CFAP299: variants seen among roughly 807,000 people sequenced by gnomAD.
CFAP299 encodes the protein cilia and flagella associated protein 299.
CFAP299 carries 21 observed loss-of-function variants against 27.0 expected under a neutral mutation model. The observed-to-expected ratio is 0.78, with a 90% CI of 0.55 to 1.12. The LOEUF (loss-of-function observed/expected upper bound fraction) is 1.12, where lower values mean the gene tolerates loss of function less well. Among genes scored for constraint, CFAP299 ranks in the 50% most tolerant of loss-of-function variants. The pLI, the probability that CFAP299 is intolerant of heterozygous loss-of-function variation, is 0.00. For missense variants in CFAP299, 310 were observed against 276.6 expected, an observed-to-expected ratio of 1.12 and a Z score of -0.86; for synonymous variants, 104 against 98.1, an observed-to-expected ratio of 1.06 and a Z score of -0.36.
intron 3 of CFAP299, among the ~76,000 whole-genome samples, chr4:80,654,131 G>A (rs1451720333): frequency 6.6e-6 from 1 of 152,094 alleles, no homozygotes; most frequent in African/African-American, 2.4e-5. Flanking sequence ...GGAATGATGG[G>A]CAGTTTCTTA....
intron 4 of CFAP299, among the ~76,000 whole-genome samples, chr4:80,900,439 T>A (rs1409433973): frequency 6.6e-6 from 1 of 152,148 alleles, no homozygotes; most frequent in Non-Finnish European, 1.5e-5. Flanking sequence ...ATATCAGACA[T>A]GCCAGCATGT....
intron 2 of CFAP299, chr4:80,386,360 G>C: frequency 6.9e-7 from 1 of 1,455,562 alleles, no homozygotes. Flanking sequence ...TCAGCTCTGC[G>C]AAGGGCGGCT....
chr4:80,455,625 T>A (rs1468295643), intron 2 of CFAP299, among the ~76,000 whole-genome samples: 1 of 152,112 alleles, frequency 6.6e-6, no homozygotes, highest in Non-Finnish European at 1.5e-5. Flanking sequence ...GAAGATAATT[T>A]GTAGAGAGTG....
intron 2 of CFAP299, chr4:80,388,093 C>G (rs754297355): frequency 2.9e-6 from 2 of 693,188 alleles, no homozygotes; most frequent in Non-Finnish European, 5.3e-6. Flanking sequence ...CACTGTACAC[C>G]TTCACCACAC....
intron 2 of CFAP299, among the ~76,000 whole-genome samples, chr4:80,432,133 G>C (rs1003235395): frequency 8.5e-5 from 13 of 152,078 alleles, no homozygotes; most frequent in African/African-American, 2.9e-4. Flanking sequence ...AAAATATTAG[G>C]AGTCAACACT....
chr4:80,514,088 TTTTGTTTG>T (rs1019064402), intron 2 of CFAP299, among the ~76,000 whole-genome samples: 2 of 152,048 alleles, frequency 1.3e-5, no homozygotes, highest in Non-Finnish European at 2.9e-5. Context: ...ATGTGTGTTT[TTTTGTTTG>T]TTTGTTTGTT....
At chr4:80,701,090 A>C (rs753668581) in intron 3 of CFAP299, among the ~76,000 whole-genome samples, 13 of 152,020 alleles carry the variant, frequency 8.6e-5, no homozygotes, top group Non-Finnish European at 1.3e-4. Context: ...ATTTTTAAGC[A>C]CTGTGCTATT....
chr4:80,862,996 A>C (rs1732476847), intron 3 of CFAP299, among the ~76,000 whole-genome samples: 1 of 152,170 alleles, frequency 6.6e-6, no homozygotes, highest in South Asian at 2.1e-4. Flanking sequence ...TGAAACAAAA[A>C]GAAGGGTCCC....
intron 2 of CFAP299, among the ~76,000 whole-genome samples, chr4:80,364,456 T>C (rs904549837): frequency 2.0e-5 from 3 of 152,204 alleles, no homozygotes; most frequent in African/African-American, 7.2e-5. Flanking sequence ...GGTTCTTTCC[T>C]GACTCTGGTC....
intron 4 of CFAP299, among the ~76,000 whole-genome samples, chr4:80,905,754 C>T (rs1735151129): frequency 1.3e-5 from 2 of 152,090 alleles, no homozygotes; most frequent in African/African-American, 2.4e-5. Context: ...CATCAGATCT[C>T]GTGAGAACTC....
At chr4:80,358,569 ATTAC>A (rs935123571) in intron 1 of CFAP299, among the ~76,000 whole-genome samples, 5 of 152,184 alleles carry the variant, frequency 3.3e-5, no homozygotes, top group African/African-American at 1.2e-4. Flanking sequence ...ACTCTTTCCC[ATTAC>A]TTAATGCCCT....
At chr4:80,694,145 G>T (rs539069898) in intron 3 of CFAP299, among the ~76,000 whole-genome samples, 1 of 152,160 alleles carries the variant, frequency 6.6e-6, no homozygotes, top group Non-Finnish European at 1.5e-5. Context: ...CATGTGCAGT[G>T]CATTCTTTGG....
chr4:80,376,847 G>T (rs551710580), intron 2 of CFAP299, among the ~76,000 whole-genome samples: 3 of 152,110 alleles, frequency 2.0e-5, no homozygotes, highest in Non-Finnish European at 4.4e-5. Flanking sequence ...TAGAGACAGC[G>T]TTTAACCACA....
chr4:80,577,396 CATT>C (rs1438998619), intron 2 of CFAP299, among the ~76,000 whole-genome samples: 2 of 85,484 alleles, frequency 2.3e-5, no homozygotes, highest in Non-Finnish European at 4.7e-5. Flanking sequence ...TATTAGAAAA[CATT>C]TTTTTTTTTT....
intron 2 of CFAP299, among the ~76,000 whole-genome samples, chr4:80,463,194 T>C (rs914789395): frequency 6.6e-5 from 10 of 152,096 alleles, no homozygotes; most frequent in African/African-American, 2.2e-4. Context: ...ACAAGACTTA[T>C]TAAAACTTTT....
intron 1 of CFAP299, among the ~76,000 whole-genome samples, chr4:80,344,269 AAGAG>A (rs755646767): frequency 1.6e-4 from 24 of 152,066 alleles, no homozygotes; most frequent in African/African-American, 2.6e-4. Context: ...GTAAAAAAAA[AAGAG>A]AGAGAGAGAG....
intron 3 of CFAP299, among the ~76,000 whole-genome samples, chr4:80,725,015 G>T (rs944427590): frequency 2.0e-5 from 3 of 149,658 alleles, no homozygotes; most frequent in Non-Finnish European, 4.4e-5. Context: ...CATGATCTCA[G>T]CTCACTGCAA....
chr4:80,606,940 A>G (rs1737709016), intron 3 of CFAP299, among the ~76,000 whole-genome samples: 1 of 152,220 alleles, frequency 6.6e-6, no homozygotes, highest in Non-Finnish European at 1.5e-5. Flanking sequence ...TGGGATAATA[A>G]CTTTGATATA....
chr4:80,867,208 G>A (rs1490507671), intron 3 of CFAP299, among the ~76,000 whole-genome samples: 1 of 152,080 alleles, frequency 6.6e-6, no homozygotes, highest in Non-Finnish European at 1.5e-5. Context: ...GTATCATTAT[G>A]TAGTGAAGCT....
Sources: allele counts gnomAD v4.1 joint callset (sites outside exome capture counted in the v4.1 genomes callset), GRCh38; gene constraint gnomAD v4.1.1; transcripts MANE v1.5; gene names NCBI Gene and HGNC (gene_info 2026-07-23, HGNC 2026-07-21).